Variants in PEX5L observed in about 807,000 individuals in gnomAD.
PEX5L encodes the protein PEX5-related protein.
In PEX5L, 30 loss-of-function variants were observed where a neutral mutation model predicts 84.0. That is an observed-to-expected ratio of 0.36 (90% CI 0.27 to 0.48). The LOEUF is 0.48. PEX5L is among the 20% of genes least tolerant of loss of function. PEX5L has a pLI of 0.99. For missense variants in PEX5L, 533 were observed against 754.6 expected, an observed-to-expected ratio of 0.71 and a Z score of 3.44; for synonymous variants, 270 against 283.1, an observed-to-expected ratio of 0.95 and a Z score of 0.46.
chr3:179,854,296 T>A (rs901971455), intron 8 of PEX5L, among the ~76,000 whole-genome samples: 4 of 151,874 alleles, frequency 2.6e-5, no homozygotes, highest in African/African-American at 9.7e-5. Flanking sequence ...AAACAATACA[T>A]GTTCATGTGG....
intron 1 of PEX5L, among the ~76,000 whole-genome samples, chr3:180,024,546 A>G (rs377508315): frequency 1.0e-5 from 1 of 99,236 alleles, no homozygotes; most frequent in Non-Finnish European, 2.0e-5. Flanking sequence ...CTCCGTTTCA[A>G]AAAAAAAAAA....
intron 2 of PEX5L, among the ~76,000 whole-genome samples, chr3:179,952,720 T>C (rs1386520777): frequency 6.6e-6 from 1 of 152,142 alleles, no homozygotes; most frequent in African/African-American, 2.4e-5. Context: ...CAAGCTATCA[T>C]TGACTTTCTT....
At chr3:179,821,213 A>G (rs1728409825) in intron 8 of PEX5L, among the ~76,000 whole-genome samples, 1 of 152,170 alleles carries the variant, frequency 6.6e-6, no homozygotes, top group Non-Finnish European at 1.5e-5. Context: ...CTGCTAAGAG[A>G]GACACTTGGA....
At chr3:179,966,841 A>C (rs961126661) in intron 2 of PEX5L, among the ~76,000 whole-genome samples, 1 of 152,200 alleles carries the variant, frequency 6.6e-6, no homozygotes, top group African/African-American at 2.4e-5. Flanking sequence ...TGAGACTCTC[A>C]AAAAGGCTGT....
At chr3:179,819,505 C>A (rs2108937163) in intron 9 of PEX5L, among the ~76,000 whole-genome samples, 1 of 152,312 alleles carries the variant, frequency 6.6e-6, no homozygotes, top group African/African-American at 2.4e-5. Flanking sequence ...CAACAGCACT[C>A]ACATGACTGG....
intron 1 of PEX5L, among the ~76,000 whole-genome samples, chr3:180,004,249 T>C (rs1201473182): frequency 1.3e-5 from 2 of 152,244 alleles, no homozygotes; most frequent in African/African-American, 2.4e-5. Flanking sequence ...CTAGCTACAT[T>C]GATGGTCAAA....
At chr3:179,996,202 G>A (rs897565726) in intron 1 of PEX5L, among the ~76,000 whole-genome samples, 2 of 152,046 alleles carry the variant, frequency 1.3e-5, no homozygotes, top group African/African-American at 4.8e-5. Context: ...TAGAGGTGAG[G>A]GTGAGGAGGT....
At chr3:179,936,584 C>A (rs1774694100) in intron 2 of PEX5L, among the ~76,000 whole-genome samples, 1 of 36,518 alleles carries the variant, frequency 2.7e-5, no homozygotes, top group African/African-American at 1.0e-4. Context: ...TGTTAACTTT[C>A]CAGATAAACC....
At chr3:180,026,976 G>A (rs757791123) in intron 1 of PEX5L, among the ~76,000 whole-genome samples, 1 of 152,126 alleles carries the variant, frequency 6.6e-6, no homozygotes, top group African/African-American at 2.4e-5. Flanking sequence ...CGGTATGAAC[G>A]TGTGGCTCAG....
chr3:179,952,453 T>G (rs545819372), intron 2 of PEX5L, among the ~76,000 whole-genome samples: 1 of 152,272 alleles, frequency 6.6e-6, no homozygotes, highest in East Asian at 1.9e-4. Context: ...AGAATGACAA[T>G]GAGACTGTTG....
At chr3:179,951,898 T>G (rs1779189825) in intron 2 of PEX5L, among the ~76,000 whole-genome samples, 1 of 152,312 alleles carries the variant, frequency 6.6e-6, no homozygotes, top group South Asian at 2.1e-4. Context: ...TAAATAACTA[T>G]GTATTTTCTT....
chr3:179,982,154 G>A (rs942112433), intron 1 of PEX5L, among the ~76,000 whole-genome samples: 17 of 152,000 alleles, frequency 1.1e-4, no homozygotes, highest in African/African-American at 4.1e-4. Flanking sequence ...GTAGAGTAAG[G>A]GACACTTGAT....
chr3:179,797,601 A>ATATATATAT lies in PEX5L; in HGVS notation c.*4226_*4227insATATATATA, dbSNP rs1467137354. ...TATGAACACTCTTTAAAAAAAAAAA[A>ATATATATAT]AAAAATATATATATATATATATATA... On this transcript the variant is annotated 3_prime_UTR_variant, in exon 15 of 15. Coordinates refer to ENST00000467460, the MANE Select transcript of PEX5L (RefSeq NM_016559.3). 3 of 107,082 alleles carry ATATATATAT rather than the reference A, an allele frequency of 2.8e-5. No homozygotes were observed. Among genetic ancestry groups the ATATATATAT allele is most frequent in the South Asian group, 2.9e-4 (1 of 3,424 alleles). 6.6% of individuals were successfully genotyped at this position (107,082 alleles called of 1,614,324 possible).
At chr3:179,884,712 G>A (rs960341568) in intron 4 of PEX5L, among the ~76,000 whole-genome samples, 4 of 152,106 alleles carry the variant, frequency 2.6e-5, no homozygotes, top group African/African-American at 9.7e-5. Context: ...AAACCTTAAG[G>A]CAGGGTGCTG....
chr3:179,951,198 C>T (rs941467794), intron 2 of PEX5L, among the ~76,000 whole-genome samples: 8 of 152,156 alleles, frequency 5.3e-5, no homozygotes, highest in African/African-American at 1.9e-4. Flanking sequence ...GCGATAGATG[C>T]TTATTTTCCT....
chr3:179,944,331 A>G (rs1776943506), intron 2 of PEX5L, among the ~76,000 whole-genome samples: 1 of 152,138 alleles, frequency 6.6e-6, no homozygotes, highest in Admixed American at 6.5e-5. Flanking sequence ...ATCAATAGAC[A>G]CTATGGTCCC....
rs76370737 is a variant in PEX5L, at chr3:179,811,724, C to T, written c.1154+77G>A. On this transcript the variant is annotated intron_variant, in intron 11 of 14. Transcript: ENST00000467460. The stretch of plus-strand genomic sequence containing the variant: ...CTTTACACTGTACTTCAGTAAAGAT[C>T]AAAAGACAAATCTGAAACAGGAAGT... 17,203 of 1,094,528 alleles carry T rather than the reference C, an allele frequency of 0.016. 1,478 individuals carry two copies. The African/African-American group carries it at 0.21, about 13-fold the overall frequency. The allele number at this position is 1,094,528 out of a possible 1,614,324, so 67.8% of individuals were successfully genotyped here.
chr3:180,013,037 T>C (rs917101425), intron 1 of PEX5L, among the ~76,000 whole-genome samples: 7 of 152,206 alleles, frequency 4.6e-5, no homozygotes, highest in African/African-American at 1.2e-4. Flanking sequence ...TTGAGCTTTC[T>C]GTAGTTTTGG....
At chr3:179,854,654 T>C (rs1453646448) in intron 8 of PEX5L, among the ~76,000 whole-genome samples, 2 of 152,120 alleles carry the variant, frequency 1.3e-5, no homozygotes, top group African/African-American at 2.4e-5. Context: ...AATAGATAGA[T>C]GAAAAAAAGC....
Sources: gnomAD v4.1 joint callset for allele counts (sites outside exome capture counted in the v4.1 genomes callset) on GRCh38, gnomAD v4.1.1 for gene constraint, MANE v1.5 for transcripts, NCBI Gene and HGNC (gene_info 2026-07-23, HGNC 2026-07-21) for gene names.